Variants in NAV3 observed in about 807,000 individuals in gnomAD.
NAV3 encodes pore membrane and/or filament interacting like protein 1.
NAV3 carries 87 observed loss-of-function variants against 244.7 expected under a neutral mutation model. The ratio of observed to expected loss-of-function variants is 0.36; its 90% CI spans 0.30 to 0.42. The LOEUF (loss-of-function observed/expected upper bound fraction) is 0.42, where lower values mean the gene tolerates loss of function less well. NAV3 is among the 20% of genes least tolerant of loss of function. NAV3 has a pLI of 1.00. For missense variants in NAV3, 2,663 were observed against 2,893.3 expected (o/e 0.92, Z 1.83); for synonymous variants, 1,126 against 1,042.2 (o/e 1.08, Z -1.55).
At chr12:78,144,708 T>A (rs1956779283) in intron 20 of NAV3, among the ~76,000 whole-genome samples, 1 of 151,756 alleles carries the variant, frequency 6.6e-6, no homozygotes, top group South Asian at 2.1e-4. Context: ...TGATTATTTT[T>A]TAAAAGAATA....
intron 1 of NAV3, among the ~76,000 whole-genome samples, chr12:77,925,802 G>GT (rs1451829066): frequency 6.6e-6 from 1 of 152,112 alleles, no homozygotes; most frequent in Non-Finnish European, 1.5e-5. Context: ...AATACAAAAT[G>GT]AAACCATCAA....
At chr12:77,580,304 C>A (rs1219860378) in intron 2 of NAV3, among the ~76,000 whole-genome samples, 3 of 151,982 alleles carry the variant, frequency 2.0e-5, no homozygotes, top group Admixed American at 6.6e-5. Flanking sequence ...TGATTCTCCA[C>A]CCTAGCCCCA....
intron 24 of NAV3, among the ~76,000 whole-genome samples, chr12:78,174,858 G>A (rs1958154731): frequency 1.3e-5 from 2 of 152,062 alleles, no homozygotes; most frequent in African/African-American, 4.8e-5. Context: ...ATGATTCTAT[G>A]AAATGGAAAG....
At chr12:78,203,629 C>T (rs1422995719) in intron 38 of NAV3, among the ~76,000 whole-genome samples, 3 of 152,002 alleles carry the variant, frequency 2.0e-5, no homozygotes, top group African/African-American at 7.2e-5. Context: ...TCCCTTTTGT[C>T]TTTACTGAAC....
chr12:77,786,606 G>T (rs1870914998), intron 2 of NAV3, among the ~76,000 whole-genome samples: 1 of 152,168 alleles, frequency 6.6e-6, no homozygotes, highest in African/African-American at 2.4e-5. Flanking sequence ...TTTTGAAACA[G>T]TTCAGATGGA....
intron 2 of NAV3, among the ~76,000 whole-genome samples, chr12:77,822,566 A>G (rs1359691338): frequency 6.6e-6 from 1 of 152,278 alleles, no homozygotes; most frequent in East Asian, 1.9e-4. Flanking sequence ...TATGTGTTAG[A>G]AGCCAGGTCT....
At chr12:77,952,569 A>G (rs1891002732) in intron 3 of NAV3, among the ~76,000 whole-genome samples, 1 of 152,084 alleles carries the variant, frequency 6.6e-6, no homozygotes, top group African/African-American at 2.4e-5. Context: ...GTACTTCTTC[A>G]ATATTCTGTT....
In NAV3 at chr12:77,841,873, GAATTCCA is replaced by G. The variant is rs199872593; in HGVS notation, c.243+10170_243+10176del. ...AATGGAGGATTGCATAAGAGGCTGG[GAATTCCA>G]CATATCACTTCCACTCTATTTCATT... On this transcript the variant is annotated intron_variant, in intron 1 of 39. Coordinates refer to ENST00000397909, the MANE Select transcript of NAV3 (RefSeq NM_001024383.2). 6.7e-3 allele frequency among the ~76,000 whole-genome samples: 1,023 copies of G among 152,218 alleles called. 10 individuals carry two copies. The highest frequency in any genetic ancestry group is 0.024 in the African/African-American group (984 of 41,526).
At chr12:78,097,714 C>T (rs1457134672) in intron 12 of NAV3, among the ~76,000 whole-genome samples, 1 of 152,004 alleles carries the variant, frequency 6.6e-6, no homozygotes, top group East Asian at 1.9e-4. Flanking sequence ...TGAATTAATA[C>T]TTTAATGTAG....
chr12:78,030,041 A>G (rs1239268311), intron 9 of NAV3, among the ~76,000 whole-genome samples: 1 of 152,182 alleles, frequency 6.6e-6, no homozygotes, highest in African/African-American at 2.4e-5. Flanking sequence ...GGCTATGTGT[A>G]TAAGATGCAT....
intron 2 of NAV3, among the ~76,000 whole-genome samples, chr12:77,656,911 A>C (rs368692086): frequency 6.6e-6 from 1 of 152,004 alleles, no homozygotes; most frequent in African/African-American, 2.4e-5. Context: ...TGAAACCAAC[A>C]AGAACAAAGA....
At chr12:78,130,957 A>C (rs1956139438) in intron 18 of NAV3, 1 of 168,308 alleles carries the variant, frequency 5.9e-6, no homozygotes, top group South Asian at 1.7e-4. Flanking sequence ...GGGCTCCTGC[A>C]CCCATGGACC....
intron 1 of NAV3, among the ~76,000 whole-genome samples, chr12:77,928,644 A>G (rs1888475321): frequency 6.6e-6 from 1 of 152,182 alleles, no homozygotes; most frequent in Admixed American, 6.5e-5. Context: ...TTTTTTCTCT[A>G]TTAAAAAACT....
At chr12:77,686,424 CTTTTTT>C (rs10573795) in intron 2 of NAV3, among the ~76,000 whole-genome samples, 2,892 of 113,834 alleles carry the variant, frequency 0.025, 128 homozygotes, top group African/African-American at 0.092. Flanking sequence ...TTCTTTCTTT[CTTTTTT>C]TTTTTTTTTT....
intron 1 of NAV3, among the ~76,000 whole-genome samples, chr12:77,915,120 A>G (rs1219085739): frequency 6.6e-6 from 1 of 152,006 alleles, no homozygotes; most frequent in East Asian, 1.9e-4. Flanking sequence ...CTTCTCTGCA[A>G]AAATTTCTCC....
chr12:78,193,781 T>G (rs747070605), intron 34 of NAV3, among the ~76,000 whole-genome samples: 7 of 152,178 alleles, frequency 4.6e-5, no homozygotes, highest in Non-Finnish European at 7.4e-5. Flanking sequence ...TCCCAGGGGA[T>G]CCACTACCCT....
rs11107335 is a variant in NAV3 at position 77,914,677 on chromosome 12, C to T, written c.244-25642C>T. On this transcript the variant is annotated intron_variant, in intron 1 of 39. Coordinates refer to ENST00000397909, the MANE Select transcript of NAV3 (RefSeq NM_001024383.2). ...GACAATACATGTAGTTTTGTCTAGT[C>T]TATTGGTTTTGTCTAGTCTATTGTG... Among the ~76,000 whole-genome samples the T allele has an allele frequency of 6.0e-3, 917 of 151,952 alleles. 12 individuals carry two copies. Among genetic ancestry groups the T allele is most frequent in the African/African-American group, 0.02 (848 of 41,422 alleles).
chr12:77,607,035 G>T (rs906621325), intron 2 of NAV3, among the ~76,000 whole-genome samples: 1 of 152,196 alleles, frequency 6.6e-6, no homozygotes, highest in Non-Finnish European at 1.5e-5. Flanking sequence ...TATAATTAAT[G>T]AATGGAATTC....
At chr12:77,653,215 C>T (rs1872910342) in intron 2 of NAV3, among the ~76,000 whole-genome samples, 2 of 152,200 alleles carry the variant, frequency 1.3e-5, no homozygotes. Flanking sequence ...ACGTAAGCAC[C>T]TGCTTTGGCT....
Sources: gnomAD v4.1 joint callset for allele counts (sites outside exome capture counted in the v4.1 genomes callset) on GRCh38, gnomAD v4.1.1 for gene constraint, MANE v1.5 for transcripts, NCBI Gene and HGNC (gene_info 2026-07-23, HGNC 2026-07-21) for gene names.